Variants in RPS6KC1 observed in about 807,000 individuals in gnomAD.
RPS6KC1 encodes inactive ribosomal protein S6 kinase delta-1.
In RPS6KC1, 54 loss-of-function variants were observed where a neutral mutation model predicts 103.8. The observed-to-expected ratio is 0.52, with a 90% confidence interval of 0.42 to 0.65. The LOEUF (loss-of-function observed/expected upper bound fraction) is 0.65, where lower values mean the gene tolerates loss of function less well. Among genes scored for constraint, RPS6KC1 ranks in the 30% least tolerant of loss-of-function variants. The pLI, the probability that RPS6KC1 is intolerant of heterozygous loss-of-function variation, is 0.00. For missense variants in RPS6KC1, 1,151 were observed against 1,253.8 expected (o/e 0.92, Z 1.24); for synonymous variants, 439 against 438.7 (o/e 1.00, Z -0.01).
At chr1:213,834,052 G>A in the RPS6KC1 span, among the ~76,000 whole-genome samples, 1 of 152,060 alleles carries the variant, frequency 6.6e-6, no homozygotes, top group African/African-American at 2.4e-5. Flanking sequence ...TTTTTTCGGG[G>A]AGGAATGAGG....
chr1:213,827,426 G>T, the RPS6KC1 span, among the ~76,000 whole-genome samples: 1 of 152,270 alleles, frequency 6.6e-6, no homozygotes, highest in African/African-American at 2.4e-5. Context: ...CTCCACCCTC[G>T]CCATAGAGGG....
chr1:213,145,890 T>TA (rs2087706638), intron 6 of RPS6KC1, among the ~76,000 whole-genome samples: 2 of 150,728 alleles, frequency 1.3e-5, no homozygotes. Context: ...GCTATGTTTT[T>TA]AAAAAATGTA....
At chr1:213,705,021 C>T in the RPS6KC1 span, among the ~76,000 whole-genome samples, 2 of 152,252 alleles carry the variant, frequency 1.3e-5, no homozygotes, top group African/African-American at 4.8e-5. Context: ...GGGAGTGACA[C>T]AAGCACCCCT....
the RPS6KC1 span, among the ~76,000 whole-genome samples, chr1:213,520,423 C>T: frequency 4.6e-5 from 7 of 152,186 alleles, no homozygotes; most frequent in South Asian, 2.1e-4. Context: ...TGTCTCCCAC[C>T]AGGTCCCTCC....
intron 6 of RPS6KC1, among the ~76,000 whole-genome samples, chr1:213,134,168 C>T (rs1196617582): frequency 6.6e-6 from 1 of 151,918 alleles, no homozygotes; most frequent in Non-Finnish European, 1.5e-5. Context: ...CTAATATGAC[C>T]CATGATTTTG....
the RPS6KC1 span, among the ~76,000 whole-genome samples, chr1:213,677,831 C>CCTT: frequency 6.6e-6 from 1 of 151,944 alleles, no homozygotes; most frequent in African/African-American, 2.4e-5. Context: ...GATGGTGGAA[C>CCTT]CTTGTATCTA....
At chr1:213,122,141 GTAGATTT>G (rs1265561448) in intron 5 of RPS6KC1, among the ~76,000 whole-genome samples, 1 of 152,010 alleles carries the variant, frequency 6.6e-6, no homozygotes, top group Non-Finnish European at 1.5e-5. Context: ...GCAGGTGGGG[GTAGATTT>G]TGTTATTCCA....
At chr1:213,260,808 G>A (rs73093636) in intron 12 of RPS6KC1, among the ~76,000 whole-genome samples, 7,242 of 149,568 alleles carry the variant, frequency 0.048, 582 homozygotes, top group African/African-American at 0.17. Context: ...ATTGGTGCAG[G>A]AACCTGAAAG....
chr1:213,432,997 A>G, the RPS6KC1 span, among the ~76,000 whole-genome samples: 1 of 152,236 alleles, frequency 6.6e-6, no homozygotes, highest in East Asian at 1.9e-4. Flanking sequence ...ATCTAGTGGC[A>G]TGAAACAGCA....
At chr1:213,580,859 A>G in the RPS6KC1 span, among the ~76,000 whole-genome samples, 1 of 152,048 alleles carries the variant, frequency 6.6e-6, no homozygotes, top group East Asian at 1.9e-4. Flanking sequence ...ACTATAGTAT[A>G]GTGTAAGGGT....
chr1:213,715,687 A>T, the RPS6KC1 span, among the ~76,000 whole-genome samples: 1 of 152,238 alleles, frequency 6.6e-6, no homozygotes, highest in Admixed American at 6.5e-5. Flanking sequence ...AATTGTTCAA[A>T]ACCAGCCTGG....
intron 3 of RPS6KC1, 132 bp from the exon 4 acceptor site, chr1:213,104,322 T>C (rs1327847792): frequency 9.4e-6 from 5 of 531,492 alleles, no homozygotes; most frequent in African/African-American, 3.9e-5. Context: ...AGATTTGACT[T>C]CAGAAGTTTG....
At chr1:213,508,173 A>G in the RPS6KC1 span, among the ~76,000 whole-genome samples, 1 of 152,204 alleles carries the variant, frequency 6.6e-6, no homozygotes, top group Non-Finnish European at 1.5e-5. Context: ...TTTTTCATTG[A>G]TACACATCCG....
At chr1:213,328,484 A>G in the RPS6KC1 span, among the ~76,000 whole-genome samples, 31 of 142,740 alleles carry the variant, frequency 2.2e-4, no homozygotes, top group African/African-American at 7.9e-4. Context: ...CTTAGTAGGA[A>G]CTGGGAGTCA....
the RPS6KC1 span, among the ~76,000 whole-genome samples, chr1:213,792,890 C>T: frequency 1.1e-3 from 166 of 152,028 alleles, no homozygotes; most frequent in African/African-American, 3.7e-3. Flanking sequence ...TCAGCACTCC[C>T]GATATTTTTG....
chr1:213,715,176 G>A, the RPS6KC1 span, among the ~76,000 whole-genome samples: 254 of 152,330 alleles, frequency 1.7e-3, 1 homozygote, highest in African/African-American at 5.7e-3. Context: ...AAAGAAGTCG[G>A]AAGCAGGATG....
intron 8 of RPS6KC1, among the ~76,000 whole-genome samples, chr1:213,220,930 A>G (rs1450449255): frequency 6.6e-6 from 1 of 152,182 alleles, no homozygotes; most frequent in Admixed American, 6.5e-5. Flanking sequence ...ATATGGCATC[A>G]GGTTTTTAAA....
intron 3 of RPS6KC1, among the ~76,000 whole-genome samples, chr1:213,083,498 C>G (rs59666456): frequency 0.17 from 26,079 of 152,170 alleles, 5,272 homozygotes; most frequent in African/African-American, 0.49. Context: ...GGGGAGGTAA[C>G]TTGTCTATAG....
At chr1:213,433,665 A>C in the RPS6KC1 span, among the ~76,000 whole-genome samples, 1 of 152,194 alleles carries the variant, frequency 6.6e-6, no homozygotes, top group African/African-American at 2.4e-5. Flanking sequence ...GATGATAGCG[A>C]TTATAGTTGG....
Sources: allele counts gnomAD v4.1 joint callset (sites outside exome capture counted in the v4.1 genomes callset), GRCh38; gene constraint gnomAD v4.1.1; transcripts MANE v1.5; gene names NCBI Gene and HGNC (gene_info 2026-07-23, HGNC 2026-07-21).